Variants in PDE8B observed in about 807,000 individuals in gnomAD.
PDE8B encodes the protein high affinity cAMP-specific and IBMX-insensitive 3',5'-cyclic phosphodiesterase 8B.
PDE8B carries 26 observed loss-of-function variants against 101.3 expected under a neutral mutation model. The ratio of observed to expected loss-of-function variants is 0.26; its 90% CI spans 0.19 to 0.36. The LOEUF is 0.36. Among genes scored for constraint, PDE8B ranks in the 10% least tolerant of loss-of-function variants. The probability of loss-of-function intolerance (pLI) is 1.00; values close to 1 mark genes in which losing one functional copy is unlikely to be tolerated. For missense variants in PDE8B, 810 were observed against 1,163.1 expected (o/e 0.70, Z 4.42); for synonymous variants, 424 against 429.3 (o/e 0.99, Z 0.15).
intron 18 of PDE8B, among the ~76,000 whole-genome samples, chr5:77,418,916 T>C (rs959348799): frequency 6.6e-6 from 1 of 152,150 alleles, no homozygotes; most frequent in Non-Finnish European, 1.5e-5. Flanking sequence ...GAGCAGGTCC[T>C]CTTGCCTCCC....
chr5:77,334,535 G>T (rs1480364758), intron 5 of PDE8B, among the ~76,000 whole-genome samples: 1 of 152,146 alleles, frequency 6.6e-6, no homozygotes, highest in Non-Finnish European at 1.5e-5. Flanking sequence ...CATGCCGGGG[G>T]CACAACTGTA....
chr5:77,373,596 A>G (rs904488252), intron 10 of PDE8B, among the ~76,000 whole-genome samples: 2 of 152,136 alleles, frequency 1.3e-5, no homozygotes, highest in East Asian at 1.9e-4. Flanking sequence ...TAGAGAGTGT[A>G]TACTCCTTTT....
intron 10 of PDE8B, among the ~76,000 whole-genome samples, chr5:77,368,522 C>T (rs1784521439): frequency 1.3e-5 from 2 of 152,168 alleles, no homozygotes; most frequent in South Asian, 2.1e-4. Context: ...AGCTTACTGT[C>T]CTTTCGGAGC....
At position 77,314,060 on chromosome 5, in the gene PDE8B, A is replaced by G. The variant is rs567609133; in HGVS notation, c.399+2007A>G. 3.7e-4 allele frequency among the ~76,000 whole-genome samples: 56 copies of G among 152,144 alleles called. No homozygotes were observed. The South Asian group carries it at 8.7e-3, about 24-fold the overall frequency. On this transcript the variant is annotated intron_variant, in intron 2 of 21. Coordinates refer to ENST00000264917, the MANE Select transcript of PDE8B (RefSeq NM_003719.5). ...AGTTTTAGATCTTACATTTAGCTCTATGATCCATTTTGGGTTAATTTTTGT... is the reference window on the plus strand; with the variant it reads ...AGTTTTAGATCTTACATTTAGCTCTGTGATCCATTTTGGGTTAATTTTTGT...
At chr5:77,299,335 A>G (rs960055274) in intron 1 of PDE8B, among the ~76,000 whole-genome samples, 5 of 151,688 alleles carry the variant, frequency 3.3e-5, no homozygotes, top group Non-Finnish European at 7.4e-5. Flanking sequence ...GGTTTGTTAC[A>G]TACGTATACA....
At chr5:77,366,026 C>G (rs1310893152) in intron 10 of PDE8B, among the ~76,000 whole-genome samples, 1 of 152,156 alleles carries the variant, frequency 6.6e-6, no homozygotes, top group Non-Finnish European at 1.5e-5. Flanking sequence ...AGTCTACACC[C>G]CAAGCCCCAT....
chr5:77,209,825 C>T (rs1338064943), upstream of PDE8B, among the ~76,000 whole-genome samples: 2 of 152,220 alleles, frequency 1.3e-5, no homozygotes, highest in East Asian at 3.8e-4. Flanking sequence ...AACCATCAGA[C>T]AGCTTCTTTC....
chr5:77,284,509 A>G (rs1394364971), intron 1 of PDE8B, among the ~76,000 whole-genome samples: 1 of 152,228 alleles, frequency 6.6e-6, no homozygotes, highest in Non-Finnish European at 1.5e-5. Context: ...GAAGAATAAT[A>G]TGCAAACAAA....
intron 1 of PDE8B, among the ~76,000 whole-genome samples, chr5:77,213,435 T>C (rs964483554): frequency 1.3e-5 from 2 of 152,240 alleles, no homozygotes; most frequent in African/African-American, 4.8e-5. Context: ...CCTAATATAT[T>C]TAATAGTATC....
At chr5:77,410,297 T>G (rs1794295394) in intron 14 of PDE8B, 1 of 152,274 alleles carries the variant, frequency 6.6e-6, no homozygotes, top group African/African-American at 2.4e-5. Flanking sequence ...TTATACCTAC[T>G]TTTCATTACA....
Position 77,258,973 on chromosome 5 carries a change from T to C in PDE8B, c.339+47709T>C, listed in dbSNP as rs74908328. ...GGTCTTCTAACTCTCTCTCTTTAGGTACTGAATACCTTCTCTCATGGAATA... is the reference window on the plus strand; with the variant it reads ...GGTCTTCTAACTCTCTCTCTTTAGGCACTGAATACCTTCTCTCATGGAATA... On this transcript the variant is annotated intron_variant, in intron 1 of 21. Transcript: ENST00000264917. Among the ~76,000 whole-genome samples the C allele has an allele frequency of 6.7e-3, 1,009 of 151,400 alleles. 12 individuals are homozygous for C. Among genetic ancestry groups the C allele is most frequent in the African/African-American group, 0.023 (951 of 41,216 alleles).
intron 1 of PDE8B, among the ~76,000 whole-genome samples, chr5:77,238,180 T>G (rs1580492526): frequency 6.6e-6 from 1 of 152,216 alleles, no homozygotes; most frequent in Non-Finnish European, 1.5e-5. Flanking sequence ...AAATATTTCT[T>G]TGTCTTCTCT....
rs1420802922 is a variant in PDE8B, at chr5:77,418,318, C to T, written c.2001C>T (p.Leu667=). 3 of 1,613,702 alleles carry T rather than the reference C, an allele frequency of 1.9e-6. No homozygotes were observed. The highest frequency in any genetic ancestry group is 2.5e-6 in the Non-Finnish European group (3 of 1,179,588). The change falls in exon 18 of 22, where the codon CTC becomes CTT. Residue 667 remains leucine (L), a synonymous_variant. Coordinates refer to ENST00000264917, the MANE Select transcript of PDE8B (RefSeq NM_003719.5). ...VDHPGRTNSF[L]CNAGSELAVL... ...ACCCGGGAAGGACCAACTCTTTCCT[C>T]TGCAATGCAGGCAGTGAGCTTGCTG...
At chr5:77,185,222 G>T in the PDE8B span, among the ~76,000 whole-genome samples, 1 of 152,174 alleles carries the variant, frequency 6.6e-6, no homozygotes, top group African/African-American at 2.4e-5. Context: ...GTATTAGTTT[G>T]CTAGAGCTGC....
At chr5:77,390,800 A>G (rs984902089) in intron 10 of PDE8B, among the ~76,000 whole-genome samples, 3 of 152,208 alleles carry the variant, frequency 2.0e-5, no homozygotes, top group Admixed American at 1.3e-4. Flanking sequence ...CAGCAGCTTG[A>G]CAGAGCAAAT....
intron 6 of PDE8B, among the ~76,000 whole-genome samples, chr5:77,342,240 T>C (rs1485205661): frequency 6.6e-6 from 1 of 152,236 alleles, no homozygotes; most frequent in Non-Finnish European, 1.5e-5. Flanking sequence ...TGTGTTGTAT[T>C]CTCATATTGT....
intron 18 of PDE8B, 123 bp from the exon 19 acceptor site, chr5:77,419,644 A>C: frequency 8.9e-7 from 1 of 1,127,796 alleles, no homozygotes; most frequent in Non-Finnish European, 1.3e-6. Flanking sequence ...TGATCTGCAC[A>C]CATTTCTTAA....
At chr5:77,157,509 C>G in the PDE8B span, among the ~76,000 whole-genome samples, 9 of 152,152 alleles carry the variant, frequency 5.9e-5, no homozygotes, top group Non-Finnish European at 1.2e-4. Flanking sequence ...GCTGTGAAGA[C>G]TAGTTAAGAG....
intron 17 of PDE8B, among the ~76,000 whole-genome samples, chr5:77,416,158 C>G (rs1301906081): frequency 6.6e-6 from 1 of 152,204 alleles, no homozygotes; most frequent in Admixed American, 6.5e-5. Flanking sequence ...CTGCAGGACC[C>G]ATTATTGGTA....
Sources: allele counts gnomAD v4.1 joint callset (sites outside exome capture counted in the v4.1 genomes callset), GRCh38; gene constraint gnomAD v4.1.1; transcripts MANE v1.5; gene names NCBI Gene and HGNC (gene_info 2026-07-23, HGNC 2026-07-21).